KHDRBS2: variants seen among roughly 807,000 people sequenced by gnomAD.
KHDRBS2 encodes the protein KH RNA binding domain containing, signal transduction associated 2.
A neutral mutation model predicts 44.3 loss-of-function variants in KHDRBS2; 26 were observed. The ratio of observed to expected loss-of-function variants is 0.59; its 90% confidence interval spans 0.43 to 0.81. The LOEUF (loss-of-function observed/expected upper bound fraction) is 0.81, where lower values mean the gene tolerates loss of function less well. Ranked by LOEUF, KHDRBS2 falls within the 40% of genes least tolerant of loss-of-function variation. The pLI is 0.00. For synonymous variants in KHDRBS2, 194 were observed against 151.1 expected (o/e 1.28, Z -2.08); for missense variants, 476 against 433.1 (o/e 1.10, Z -0.88).
chr6:62,189,470 C>A (rs762121333), intron 1 of KHDRBS2, among the ~76,000 whole-genome samples: 1 of 151,906 alleles, frequency 6.6e-6, no homozygotes, highest in East Asian at 1.9e-4. Flanking sequence ...CCATTTTAAG[C>A]GCTTAGGTTT....
intron 2 of KHDRBS2, among the ~76,000 whole-genome samples, chr6:62,098,839 T>G (rs1348373640): frequency 6.6e-6 from 1 of 152,188 alleles, no homozygotes; most frequent in Non-Finnish European, 1.5e-5. Context: ...CTTTATATTA[T>G]TTTTTCCCCT....
intron 3 of KHDRBS2, among the ~76,000 whole-genome samples, chr6:62,006,790 C>T (rs934721454): frequency 1.1e-4 from 16 of 151,128 alleles, no homozygotes; most frequent in Non-Finnish European, 2.4e-4. Flanking sequence ...GAAGACAAAA[C>T]AAGAAAAAAT....
chr6:61,990,901 G>T (rs1776013373), intron 3 of KHDRBS2, among the ~76,000 whole-genome samples: 1 of 151,950 alleles, frequency 6.6e-6, no homozygotes. Flanking sequence ...GTACAGACAG[G>T]GTTTCACCAT....
chr6:61,899,021 T>C (rs190215991), intron 5 of KHDRBS2, among the ~76,000 whole-genome samples: 1 of 152,002 alleles, frequency 6.6e-6, no homozygotes, highest in East Asian at 1.9e-4. Flanking sequence ...AAAATGTTCA[T>C]AAATCCCTTT....
intron 3 of KHDRBS2, among the ~76,000 whole-genome samples, chr6:62,011,388 G>GCACA (rs2127269583): frequency 6.6e-6 from 1 of 152,204 alleles, no homozygotes; most frequent in African/African-American, 2.4e-5. Context: ...AGTAAACAAT[G>GCACA]ATGTAGAAAT....
At chr6:61,764,952 ACTT>A (rs1779784545) in intron 6 of KHDRBS2, among the ~76,000 whole-genome samples, 2 of 63,286 alleles carry the variant, frequency 3.2e-5, no homozygotes, top group East Asian at 7.0e-4. Flanking sequence ...AAAATCAAAA[ACTT>A]AATAGTTAAA....
Position 61,680,175 on chromosome 6 carries a change from G to T in KHDRBS2, c.*788C>A, listed in dbSNP as rs924149286. On this transcript the variant is annotated 3_prime_UTR_variant, in exon 9 of 9. Transcript: ENST00000281156. The stretch of plus-strand genomic sequence containing the variant: ...AATTTTTAAATAGAAAACATTTTAG[G>T]CATCTCTTGAAGAAGAAATAAAGCA... 8.5e-5 allele frequency: 13 copies of T among 152,170 alleles called. No individual in the cohort carries two copies. The highest frequency in any genetic ancestry group is 3.1e-4 in the African/African-American group (13 of 41,386). 9.4% of individuals were successfully genotyped at this position (152,170 alleles called of 1,614,324 possible).
the KHDRBS2 span, among the ~76,000 whole-genome samples, chr6:61,543,802 C>T: frequency 6.6e-6 from 1 of 152,096 alleles, no homozygotes; most frequent in African/African-American, 2.4e-5. Context: ...GTTTGCAATA[C>T]CATGGATGGA....
the KHDRBS2 span, among the ~76,000 whole-genome samples, chr6:61,603,632 TC>T: frequency 6.6e-6 from 1 of 152,162 alleles, no homozygotes; most frequent in Admixed American, 6.5e-5. Flanking sequence ...TTAGAGGCCC[TC>T]AAAATCACAA....
chr6:61,815,475 T>C (rs1283576567), intron 6 of KHDRBS2, among the ~76,000 whole-genome samples: 1 of 152,186 alleles, frequency 6.6e-6, no homozygotes, highest in Non-Finnish European at 1.5e-5. Context: ...AGGTATGTAC[T>C]TTATGGTTTT....
chr6:62,233,358 T>C (rs1446024985), intron 1 of KHDRBS2, among the ~76,000 whole-genome samples: 1 of 152,176 alleles, frequency 6.6e-6, no homozygotes, highest in Non-Finnish European at 1.5e-5. Flanking sequence ...AATATCACAT[T>C]CATTTCAAAG....
chr6:62,229,027 C>T (rs1832417764), intron 1 of KHDRBS2, among the ~76,000 whole-genome samples: 1 of 152,084 alleles, frequency 6.6e-6, no homozygotes, highest in Admixed American at 6.6e-5. Flanking sequence ...TTTGACTGTC[C>T]CTTGGTGGAG....
At chr6:61,892,973 G>A (rs1411161875) in intron 6 of KHDRBS2, among the ~76,000 whole-genome samples, 7 of 152,026 alleles carry the variant, frequency 4.6e-5, no homozygotes, top group African/African-American at 7.2e-5. Context: ...GCAACTGACA[G>A]AATGGGAGAA....
intron 3 of KHDRBS2, among the ~76,000 whole-genome samples, chr6:61,978,447 C>T (rs182075559): frequency 6.6e-6 from 1 of 151,986 alleles, no homozygotes; most frequent in Non-Finnish European, 1.5e-5. Context: ...TCATCTACAA[C>T]AGATTTTAAT....
intron 1 of KHDRBS2, among the ~76,000 whole-genome samples, chr6:62,215,956 C>T (rs1226821698): frequency 6.6e-6 from 1 of 151,662 alleles, no homozygotes; most frequent in Non-Finnish European, 1.5e-5. Flanking sequence ...AACTATATTT[C>T]CGTGAAGTTG....
chr6:62,025,899 T>C (rs1783220506), intron 3 of KHDRBS2, among the ~76,000 whole-genome samples: 1 of 152,118 alleles, frequency 6.6e-6, no homozygotes, highest in South Asian at 2.1e-4. Flanking sequence ...AAAGGCTCGA[T>C]TAAATTCAGA....
intron 4 of KHDRBS2, among the ~76,000 whole-genome samples, chr6:61,972,424 T>C (rs574304872): frequency 2.6e-5 from 4 of 152,292 alleles, no homozygotes; most frequent in South Asian, 2.1e-4. Context: ...TATAGCACTA[T>C]AGCAATACAG....
chr6:61,647,804 T>C, the KHDRBS2 span, among the ~76,000 whole-genome samples: 11 of 152,162 alleles, frequency 7.2e-5, no homozygotes, highest in African/African-American at 2.7e-4. Context: ...CTATTTATTT[T>C]TGCTATGAAG....
chr6:61,950,976 G>T (rs929416959), intron 4 of KHDRBS2, among the ~76,000 whole-genome samples: 1 of 152,026 alleles, frequency 6.6e-6, no homozygotes, highest in African/African-American at 2.4e-5. Context: ...TGAGAGCTAA[G>T]CTGTATGACT....
Sources: gnomAD v4.1 joint callset for allele counts (sites outside exome capture counted in the v4.1 genomes callset) on GRCh38, gnomAD v4.1.1 for gene constraint, MANE v1.5 for transcripts, NCBI Gene and HGNC (gene_info 2026-07-23, HGNC 2026-07-21) for gene names.